The following VLDLR variants were observed in gnomAD, a reference collection of about 807,000 sequenced individuals.
The protein encoded by VLDLR is very low density lipoprotein receptor.
VLDLR carries 81 observed loss-of-function variants against 112.7 expected under a neutral mutation model. That is an observed-to-expected ratio of 0.72 (90% CI 0.60 to 0.86). The LOEUF (loss-of-function observed/expected upper bound fraction) is 0.86. Among genes scored for constraint, VLDLR ranks in the 40% least tolerant of loss-of-function variants. VLDLR has a pLI of 0.00. For synonymous variants in VLDLR, 436 were observed against 384.8 expected (o/e 1.13, Z -1.56); for missense variants, 1,237 against 1,099.4 (o/e 1.13, Z -1.77).
chr9:2,645,290 A>G lies in VLDLR; in HGVS notation c.1312+208A>G, dbSNP rs184319736. On this transcript the variant is annotated intron_variant, in intron 9 of 18. Coordinates refer to ENST00000382100, the MANE Select transcript of VLDLR (RefSeq NM_003383.5). ...CATTCCTTTTGCATATGATACCATG[A>G]ATACCTACCAGGTTTGCATGCTCTG... Among the ~76,000 whole-genome samples the G allele has an allele frequency of 1.2e-3, 188 of 152,334 alleles. 2 individuals are homozygous for G. Among genetic ancestry groups the G allele is most frequent in the Admixed American group, 9.9e-3 (152 of 15,300 alleles).
intron 12 of VLDLR, 128 bp from the exon 13 acceptor site, chr9:2,648,080 G>A (rs1818152363): frequency 7.7e-7 from 1 of 1,301,316 alleles, no homozygotes; most frequent in African/African-American, 1.5e-5. Context: ...CAAGGTTTAT[G>A]GTGACCCCGT....
At chr9:2,644,067 T>C (rs1180654192) in intron 7 of VLDLR, 108 bp downstream of exon 7, 3 of 1,526,598 alleles carry the variant, frequency 2.0e-6, no homozygotes, top group Admixed American at 3.5e-5. Flanking sequence ...TTGAATGTAC[T>C]GAAGTTCAAT....
At position 2,644,985 on chromosome 9, in the gene VLDLR, C is replaced by A. The variant is rs370162248; in HGVS notation, c.1215C>A (p.Ile405=). The A allele has an allele frequency of 6.2e-7, 1 of 1,614,194 alleles. No individual in the cohort carries two copies. ...TTGATGAATGCCAAAATCCAGGAATCTGCAGTCAAATTTGTATCAACTTAA... is the reference window on the plus strand; with the variant it reads ...TTGATGAATGCCAAAATCCAGGAATATGCAGTCAAATTTGTATCAACTTAA... ...GDIDECQNPG[I]CSQICINLKG... is the part of the protein sequence containing the mutation. The change falls in exon 9 of 19, where the codon ATC becomes ATA. Residue 405 remains isoleucine (I), a synonymous_variant. Coordinates refer to ENST00000382100, the MANE Select transcript of VLDLR (RefSeq NM_003383.5).
At chr9:2,631,148 A>G (rs889641595) in intron 1 of VLDLR, among the ~76,000 whole-genome samples, 1 of 152,238 alleles carries the variant, frequency 6.6e-6, no homozygotes, top group Admixed American at 6.5e-5. Flanking sequence ...GGCTATTAAT[A>G]AAAAGACAAA....
At chr9:2,640,703 A>G (rs1483754684) in intron 3 of VLDLR, among the ~76,000 whole-genome samples, 1 of 152,210 alleles carries the variant, frequency 6.6e-6, no homozygotes, top group African/African-American at 2.4e-5. Context: ...GTTTAGGTCT[A>G]AAGTGTGATT....
Position 2,658,098 on chromosome 9 carries a change from C to T in VLDLR, c.*4230C>T, listed in dbSNP as rs1268424782. 1 of 152,170 alleles carries T rather than the reference C, an allele frequency of 6.6e-6. No individual in the cohort carries two copies. Among genetic ancestry groups the T allele is most frequent in the African/African-American group, 2.4e-5 (1 of 41,450 alleles). The allele number at this position is 152,170 out of a possible 1,614,324, so 9.4% of individuals were successfully genotyped here. On this transcript the variant is annotated 3_prime_UTR_variant, in exon 19 of 19. Transcript: ENST00000382100. Reference sequence around the variant, plus strand: ...TCGAACTTATTTCTCTCTAATCCAGCCTGGAGGATTTTTAGCCGAAACAGT... The same window carrying T: ...TCGAACTTATTTCTCTCTAATCCAGTCTGGAGGATTTTTAGCCGAAACAGT...
Position 2,652,917 on chromosome 9 carries a change from C to CA in VLDLR, c.2555dup (p.His852GlnfsTer19). 6.2e-7 allele frequency: 1 copy of CA among 1,614,108 alleles called. No individual in the cohort carries two copies. Among genetic ancestry groups the CA allele is most frequent in the Middle Eastern group, 1.6e-4 (1 of 6,062 alleles). On this transcript the variant is annotated frameshift_variant, in exon 18 of 19. Coordinates refer to ENST00000382100, the MANE Select transcript of VLDLR (RefSeq NM_003383.5). LOFTEE classifies it high-confidence loss of function. ...GGACCTCTCCATAGACATTGGTAGA[C>CA]ACAGTGCTTCTGTTGGACACACGTA...
At chr9:2,636,337 T>C (rs1263103187) in intron 2 of VLDLR, among the ~76,000 whole-genome samples, 1 of 152,252 alleles carries the variant, frequency 6.6e-6, no homozygotes, top group Non-Finnish European at 1.5e-5. Flanking sequence ...ATATTGGTGC[T>C]AACATTGTCA....
rs750769621 is a variant in VLDLR, at chr9:2,652,876, T to G, written c.2513T>G (p.Leu838Trp). Residue 838 changes from leucine to tryptophan, a missense_variant, in exon 18 of 19, where the codon TTG (leucine) becomes TGG (tryptophan). Transcript: ENST00000382100. ...ATGAACTTTGACAATCCTGTGTACT[T>G]GAAAACCACTGAAGAGGACCTCTCC... ...KSMNFDNPVY[L>W]KTTEEDLSID... The G allele has an allele frequency of 6.2e-7, 1 of 1,614,142 alleles. No individual in the cohort carries two copies. Among genetic ancestry groups the G allele is most frequent in the Admixed American group, 1.7e-5 (1 of 60,014 alleles).
At chr9:2,644,673 T>C (rs1035181978) in intron 7 of VLDLR, 61 bp from the exon 8 acceptor site, 1 of 1,611,902 alleles carries the variant, frequency 6.2e-7, no homozygotes, top group Non-Finnish European at 8.5e-7. Context: ...GCCTGGGTTT[T>C]AAATGTGAAA....
chr9:2,635,262 T>C (rs1036950018), intron 1 of VLDLR, among the ~76,000 whole-genome samples, 191 bp from the exon 2 acceptor site: 1 of 152,200 alleles, frequency 6.6e-6, no homozygotes, highest in Non-Finnish European at 1.5e-5. Context: ...GTATTTAGTC[T>C]TAGCATGCAC....
chr9:2,650,479 T>C lies in VLDLR; in HGVS notation c.2214T>C (p.Ser738=). The C allele has an allele frequency of 6.2e-7, 1 of 1,614,008 alleles. No homozygotes were observed. The highest frequency in any genetic ancestry group is 8.5e-7 in the Non-Finnish European group (1 of 1,180,008). Reference sequence around the variant, plus strand: ...CAAAATATACCTGTTCCTGTCCCAGTGGGTACAATGTAGAGGAAAATGGCC... The same window carrying C: ...CAAAATATACCTGTTCCTGTCCCAGCGGGTACAATGTAGAGGAAAATGGCC... The part of the protein sequence containing the change: ...HSPKYTCSCP[S]GYNVEENGRD... Residue 738 remains serine, a synonymous_variant, in exon 15 of 19, where the codon AGT becomes AGC. Transcript: ENST00000382100.
At chr9:2,652,294 G>C (rs1563768208) in intron 17 of VLDLR, among the ~76,000 whole-genome samples, 1 of 152,194 alleles carries the variant, frequency 6.6e-6, no homozygotes, top group Non-Finnish European at 1.5e-5. Context: ...GCTTCATACA[G>C]AGGAGATGCA....
intron 1 of VLDLR, among the ~76,000 whole-genome samples, chr9:2,629,714 T>A (rs567007699): frequency 6.6e-6 from 1 of 152,334 alleles, no homozygotes; most frequent in East Asian, 1.9e-4. Flanking sequence ...AACTGTAAAA[T>A]TCACTTATTT....
Position 2,657,004 on chromosome 9 carries a change from C to T in VLDLR, c.*3136C>T. On this transcript the variant is annotated 3_prime_UTR_variant, in exon 19 of 19. Transcript: ENST00000382100. ...TTCACTTTGGCATTTGCTTCTGTTC[C>T]TTGTATCTGTGGAAGTCAAGTAGCC... 6.8e-6 allele frequency: 1 copy of T among 147,284 alleles called. No homozygotes were observed. The highest frequency in any genetic ancestry group is 1.5e-5 in the Non-Finnish European group (1 of 67,074). The allele number at this position is 147,284 out of a possible 1,614,324, so 9.1% of individuals were successfully genotyped here.
chr9:2,653,060 C>T (rs1322184898), intron 18 of VLDLR, 111 bp downstream of exon 18: 6 of 1,361,000 alleles, frequency 4.4e-6, no homozygotes, highest in East Asian at 2.3e-5. Context: ...CCAAACACTT[C>T]ATCTGCTACC....
rs1173140853 is a variant in VLDLR, at chr9:2,659,392, T to C, written c.*5524T>C. Reference sequence around the variant, plus strand: ...GCTGGCATCCAGTATGGTGGTGTAATGGAAGTGTACTACTAGCACTACTAC... The same window carrying C: ...GCTGGCATCCAGTATGGTGGTGTAACGGAAGTGTACTACTAGCACTACTAC... On this transcript the variant is annotated 3_prime_UTR_variant, in exon 19 of 19. Coordinates refer to ENST00000382100, the MANE Select transcript of VLDLR (RefSeq NM_003383.5). 1 of 152,236 alleles carries C rather than the reference T, an allele frequency of 6.6e-6. No homozygotes were observed. Among genetic ancestry groups the C allele is most frequent in the African/African-American group, 2.4e-5 (1 of 41,466 alleles). 9.4% of individuals were successfully genotyped at this position (152,236 alleles called of 1,614,324 possible). A position where few individuals can be genotyped will look rare whatever the true frequency, so the allele number is the denominator to read the frequency against.
At chr9:2,629,310 C>G (rs1436669910) in intron 1 of VLDLR, among the ~76,000 whole-genome samples, 1 of 152,176 alleles carries the variant, frequency 6.6e-6, no homozygotes, top group Non-Finnish European at 1.5e-5. Context: ...ACAAGAAAAC[C>G]AAGAGCTATA....
rs766540870 is a variant in VLDLR at position 2,658,559 on chromosome 9, G to C, written c.*4691G>C. On this transcript the variant is annotated 3_prime_UTR_variant, in exon 19 of 19. Transcript: ENST00000382100. The stretch of plus-strand genomic sequence containing the variant: ...CTGTTTAGAAGCAGCAGGCAATGTA[G>C]TTAACAGCATAGACTTCCGTGTCTT... 8.5e-5 allele frequency: 13 copies of C among 152,186 alleles called. No homozygotes were observed. The highest frequency in any genetic ancestry group is 1.9e-4 in the Non-Finnish European group (13 of 68,020). 9.4% of individuals were successfully genotyped at this position (152,186 alleles called of 1,614,324 possible).
Sources: gnomAD v4.1 joint callset for allele counts (sites outside exome capture counted in the v4.1 genomes callset) on GRCh38, gnomAD v4.1.1 for gene constraint, MANE v1.5 for transcripts, NCBI Gene and HGNC (gene_info 2026-07-23, HGNC 2026-07-21) for gene names.